The following ANKRD30A variants were observed in gnomAD, a reference collection of about 807,000 sequenced individuals.
The protein encoded by ANKRD30A is ankyrin repeat domain-containing protein 30A.
In ANKRD30A, 170 loss-of-function variants were observed where a neutral mutation model predicts 166.3. That is an observed-to-expected ratio of 1.02 (90% CI 0.90 to 1.16). The LOEUF is 1.16. Ranked by LOEUF, ANKRD30A falls within the 50% of genes most tolerant of loss-of-function variation. The pLI is 0.00. For missense variants in ANKRD30A, 1,630 were observed against 1,518.0 expected (o/e 1.07, Z -1.23); for synonymous variants, 564 against 508.9 (o/e 1.11, Z -1.46).
In ANKRD30A at chr10:37,130,019, C is replaced by G. The variant is rs1326058992; in HGVS notation, c.336+12C>G. On this transcript the variant is annotated intron_variant, in intron 2 of 35. Transcript: ENST00000361713. ...CACCTCTGATGAAGGTAAATAGTAG[C>G]CAGATTTTTCAGCAGGAGATGGATT... The G allele has an allele frequency of 2.0e-6, 3 of 1,466,646 alleles. No homozygotes were observed. In the African/African-American group the frequency reaches 4.3e-5, roughly 21 times the overall value. 90.9% of individuals were successfully genotyped at this position (1,466,646 alleles called of 1,614,324 possible). A position where few individuals can be genotyped will look rare whatever the true frequency, so the allele number is the denominator to read the frequency against.
chr10:37,137,272 C>T (rs1188256921), intron 6 of ANKRD30A, among the ~76,000 whole-genome samples: 1 of 152,172 alleles, frequency 6.6e-6, no homozygotes, highest in East Asian at 1.9e-4. Flanking sequence ...GGAACAGCTC[C>T]AGTCTACAGC....
chr10:37,250,926 A>G, the ANKRD30A span, among the ~76,000 whole-genome samples: 3 of 152,200 alleles, frequency 2.0e-5, no homozygotes, highest in Non-Finnish European at 4.4e-5. Context: ...CTACCAATCA[A>G]AACACACCTC....
At chr10:37,241,579 G>T in the ANKRD30A span, among the ~76,000 whole-genome samples, 1 of 151,990 alleles carries the variant, frequency 6.6e-6, no homozygotes, top group Non-Finnish European at 1.5e-5. Context: ...CTACCAAGTT[G>T]TTATTAGTGC....
chr10:37,141,931 C>A lies in ANKRD30A; in HGVS notation c.1034C>A (p.Ala345Glu). 1.2e-6 allele frequency: 2 copies of A among 1,614,114 alleles called. No homozygotes were observed. The highest frequency in any genetic ancestry group is 1.1e-5 in the South Asian group (1 of 91,080). The change falls in exon 7 of 36, where the codon GCG (alanine) becomes GAG (glutamate). Residue 345 changes from alanine to glutamate, a missense_variant. By Grantham distance (107) the Ala-to-Glu change is moderately radical (BLOSUM62 -1). Transcript: ENST00000361713. Reference sequence around the variant, plus strand: ...GACAAAATTCAATGTTTGGAGAAAGCGACATCTGGAAAGTTCGAACAGTCA... The same window carrying A: ...GACAAAATTCAATGTTTGGAGAAAGAGACATCTGGAAAGTTCGAACAGTCA... ...TSDKIQCLEK[A>E]TSGKFEQSAE...
At chr10:37,139,762 T>G (rs944942010) in intron 6 of ANKRD30A, among the ~76,000 whole-genome samples, 8 of 152,224 alleles carry the variant, frequency 5.3e-5, no homozygotes, top group African/African-American at 1.7e-4. Flanking sequence ...ATGGTCTCCT[T>G]ATTTTGCCCA....
chr10:37,207,649 T>A (rs1277487548), intron 31 of ANKRD30A, among the ~76,000 whole-genome samples: 1 of 151,880 alleles, frequency 6.6e-6, no homozygotes, highest in Admixed American at 6.6e-5. Flanking sequence ...ATTTCTAATA[T>A]ATTTATCCAA....
chr10:37,208,993 T>C (rs552242360), intron 31 of ANKRD30A, among the ~76,000 whole-genome samples: 1 of 152,300 alleles, frequency 6.6e-6, no homozygotes, highest in Non-Finnish European at 1.5e-5. Context: ...AGTCTTTTCA[T>C]GTCTTTTCAT....
intron 15 of ANKRD30A, among the ~76,000 whole-genome samples, chr10:37,160,423 T>C (rs1838760221): frequency 6.6e-6 from 1 of 152,028 alleles, no homozygotes; most frequent in South Asian, 2.1e-4. Flanking sequence ...ATAGGAGAAA[T>C]AGGAAAAACA....
chr10:37,260,053 T>C, the ANKRD30A span, among the ~76,000 whole-genome samples: 1 of 152,006 alleles, frequency 6.6e-6, no homozygotes, highest in Non-Finnish European at 1.5e-5. Context: ...ACAATTGTTA[T>C]TGTTAGGTTA....
chr10:37,252,379 A>T, the ANKRD30A span, among the ~76,000 whole-genome samples: 68 of 152,302 alleles, frequency 4.5e-4, no homozygotes, highest in African/African-American at 1.5e-3. Flanking sequence ...AAAATAAATA[A>T]TGCTCCTATA....
rs1841611723 is a variant in ANKRD30A, at chr10:37,201,351, G to A, written c.2869+26G>A. 6 of 1,488,308 alleles carry A rather than the reference G, an allele frequency of 4.0e-6. No homozygotes were observed. In the East Asian group the frequency reaches 1.4e-4, roughly 35 times the overall value. 92.2% of individuals were successfully genotyped at this position (1,488,308 alleles called of 1,614,324 possible). On this transcript the variant is annotated intron_variant, in intron 31 of 35. Transcript: ENST00000361713. ...GTAAGAACCATCTTTTATTTAAAAGGTCATTTGACCAAGTATTTCTCTAAA... is the reference window on the plus strand; with the variant it reads ...GTAAGAACCATCTTTTATTTAAAAGATCATTTGACCAAGTATTTCTCTAAA...
At chr10:37,214,958 C>G (rs1842528559) in intron 31 of ANKRD30A, among the ~76,000 whole-genome samples, 1 of 151,364 alleles carries the variant, frequency 6.6e-6, no homozygotes, top group African/African-American at 2.4e-5. Flanking sequence ...TCTAGTGTCT[C>G]AAATTTGTGA....
At chr10:37,130,104 A>G in intron 2 of ANKRD30A, 97 bp downstream of exon 2, 6 of 1,172,028 alleles carry the variant, frequency 5.1e-6, no homozygotes, top group Non-Finnish European at 6.6e-6. Context: ...TAGTTTTGAA[A>G]CCTGTGGAAT....
chr10:37,142,570 C>CTTTTTTT (rs869026268), intron 7 of ANKRD30A, among the ~76,000 whole-genome samples: 5 of 78,970 alleles, frequency 6.3e-5, no homozygotes, highest in Non-Finnish European at 1.1e-4. Context: ...TAGGATCACA[C>CTTTTTTT]TTTTTTTTTT....
In ANKRD30A at chr10:37,153,640, T is replaced by A; in HGVS notation, c.1776T>A (p.Asp592Glu). 6.2e-7 allele frequency: 1 copy of A among 1,611,600 alleles called. No individual in the cohort carries two copies. Among genetic ancestry groups the A allele is most frequent in the Non-Finnish European group, 8.5e-7 (1 of 1,179,470 alleles). The change falls in exon 13 of 36, where the codon GAT becomes GAA. Residue 592 changes from aspartate (D) to glutamate (E), a missense_variant. Physicochemically the swap from Asp to Glu is conservative, Grantham distance 45. This residue lies in a region of ANKRD30A where 904 missense variants were observed against 818.5 expected (regional missense o/e 1.10). Transcript: ENST00000361713. ...AGGCTACACATCAAAAAGAAATAGA[T>A]AAAATAAATGGAAAATTAGAAGGTA... ...LPKATHQKEI[D>E]KINGKLEESP...
chr10:37,179,021 T>C (rs1176068105), intron 24 of ANKRD30A, among the ~76,000 whole-genome samples: 18 of 10,550 alleles, frequency 1.7e-3, no homozygotes, highest in African/African-American at 4.2e-3. Context: ...CAAATATATA[T>C]ATATATATAT....
intron 34 of ANKRD30A, among the ~76,000 whole-genome samples, chr10:37,229,946 CA>C (rs1283862941): frequency 6.6e-6 from 1 of 151,854 alleles, no homozygotes; most frequent in Non-Finnish European, 1.5e-5. Context: ...GTGTTACAAA[CA>C]AATTCATTTT....
chr10:37,228,584 G>A (rs1316138380), intron 34 of ANKRD30A, among the ~76,000 whole-genome samples: 2 of 152,012 alleles, frequency 1.3e-5, no homozygotes, highest in Admixed American at 6.6e-5. Flanking sequence ...CAGCTGTTGC[G>A]CTTCACAACT....
chr10:37,258,220 C>A, the ANKRD30A span, among the ~76,000 whole-genome samples: 3 of 152,176 alleles, frequency 2.0e-5, no homozygotes, highest in Non-Finnish European at 4.4e-5. Context: ...TAAGTCATTT[C>A]TATTTACTAA....
Sources: gnomAD v4.1 joint callset for allele counts (sites outside exome capture counted in the v4.1 genomes callset) on GRCh38, gnomAD v4.1.1 for gene constraint, gnomAD v4.1.1 regional missense constraint, MANE v1.5 for transcripts, NCBI Gene and HGNC (gene_info 2026-07-23, HGNC 2026-07-21) for gene names.